The following ATR variants were observed in gnomAD, a reference collection of about 807,000 sequenced individuals.
The protein encoded by ATR is ATR checkpoint kinase.
A neutral mutation model predicts 305.3 loss-of-function variants in ATR; 142 were observed. The observed-to-expected ratio is 0.47, with a 90% CI of 0.41 to 0.53. ATR has a LOEUF of 0.53. ATR is among the 20% of genes least tolerant of loss of function. ATR has a pLI of 0.00. For synonymous variants in ATR, 1,050 were observed against 1,068.1 expected (o/e 0.98, Z 0.33); for missense variants, 2,135 against 3,133.1 (o/e 0.68, Z 7.60).
chr3:142,568,036 TTATA>T, intron 2 of ATR, 23 bp downstream of exon 2: 1 of 1,522,596 alleles, frequency 6.6e-7, no homozygotes, highest in Non-Finnish European at 9.0e-7. Flanking sequence ...TTTATAAAGT[TTATA>T]TAAGAAATAA....
In ATR at chr3:142,449,811, C is replaced by A. The variant is rs577916091; in HGVS notation, c.7762-209G>T. The A allele has an allele frequency of 2.5e-3, 1,461 of 581,010 alleles. 7 individuals are homozygous for A. The highest frequency in any genetic ancestry group is 5.0e-3 in the Admixed American group (171 of 34,110). 36.0% of individuals were successfully genotyped at this position (581,010 alleles called of 1,614,324 possible). A position where few individuals can be genotyped will look rare whatever the true frequency, so the allele number is the denominator to read the frequency against. Reference sequence around the variant, plus strand: ...GCTCGCAAGATTGATTCAACATCAACTGCTTGGACATGTTTCTGGACTACG... The same window carrying A: ...GCTCGCAAGATTGATTCAACATCAAATGCTTGGACATGTTTCTGGACTACG... On this transcript the variant is annotated intron_variant, in intron 46 of 46. Transcript: ENST00000350721.
intron 46 of ATR, 163 bp downstream of exon 46, chr3:142,452,965 T>G: frequency 6.7e-7 from 1 of 1,489,688 alleles, no homozygotes; most frequent in South Asian, 1.3e-5. Flanking sequence ...AAAGAAAACT[T>G]ATGGCATTGT....
At position 142,512,220 on chromosome 3, in the gene ATR, TAA is replaced by T. The variant is rs74269486; in HGVS notation, c.4852+38_4852+39del. 33,396 of 1,200,170 alleles carry T rather than the reference TAA, an allele frequency of 0.028. No homozygotes were observed. Among genetic ancestry groups the T allele is most frequent in the South Asian group, 0.034 (2,415 of 70,328 alleles). The allele number at this position is 1,200,170 out of a possible 1,614,324, so 74.3% of individuals were successfully genotyped here. A position where few individuals can be genotyped will look rare whatever the true frequency, so the allele number is the denominator to read the frequency against. The stretch of plus-strand genomic sequence containing the variant: ...AGGGAAGAGCTAATTGGTGAATAGC[TAA>T]AAAAAAAAAAAAAAAAGAAACAGAA... On this transcript the variant is annotated intron_variant, in intron 27 of 46. Transcript: ENST00000350721.
intron 16 of ATR, among the ~76,000 whole-genome samples, chr3:142,544,721 T>G (rs1378325373): frequency 1.5e-4 from 23 of 151,756 alleles, no homozygotes. Context: ...GGCATCTGAT[T>G]TAGGTATCTT....
chr3:142,574,223 G>C (rs1054327484), intron 1 of ATR, among the ~76,000 whole-genome samples: 1 of 152,082 alleles, frequency 6.6e-6, no homozygotes, highest in Non-Finnish European at 1.5e-5. Flanking sequence ...CCAGCACTTT[G>C]GGAGGCTGAG....
intron 35 of ATR, among the ~76,000 whole-genome samples, chr3:142,486,629 CTT>C (rs892885142): frequency 1.3e-5 from 2 of 152,136 alleles, no homozygotes; most frequent in African/African-American, 4.8e-5. Flanking sequence ...TCCTCCCTCT[CTT>C]CTCTCTCGCT....
Position 142,566,175 on chromosome 3 carries a change from G to A in ATR, c.238C>T (p.Pro80Ser), listed in dbSNP as rs763821441. 10 of 1,614,152 alleles carry A rather than the reference G, an allele frequency of 6.2e-6. No homozygotes were observed. The South Asian group carries it at 1.1e-4, about 18-fold the overall frequency. Reference sequence around the variant, plus strand: ...CCACTCACATTTACAAACATAAGTGGGGAGGATTTCATGATATGCTGGATG... The same window carrying A: ...CCACTCACATTTACAAACATAAGTGAGGAGGATTTCATGATATGCTGGATG... ...DFIQHIMKSS[P>S]LMFVNVSGSH... The change falls in exon 3 of 47, where the codon CCA becomes TCA. Residue 80 changes from proline to serine, a missense_variant. By Grantham distance (74) the Pro-to-Ser change is moderately conservative (BLOSUM62 -1). Transcript: ENST00000350721.
chr3:142,545,404 A>C (rs1289994636), intron 16 of ATR, among the ~76,000 whole-genome samples: 2 of 152,162 alleles, frequency 1.3e-5, no homozygotes, highest in Non-Finnish European at 2.9e-5. Context: ...GTCTCGAAGC[A>C]GGAAAAAGTT....
At chr3:142,546,314 A>C (rs987127716) in intron 16 of ATR, among the ~76,000 whole-genome samples, 1 of 152,142 alleles carries the variant, frequency 6.6e-6, no homozygotes, top group African/African-American at 2.4e-5. Context: ...GGGGGGCATT[A>C]AGTTTTCTGT....
chr3:142,457,126 A>G (rs1406971427), intron 45 of ATR, among the ~76,000 whole-genome samples: 1 of 152,222 alleles, frequency 6.6e-6, no homozygotes, highest in African/African-American at 2.4e-5. Flanking sequence ...GCAATAAAAA[A>G]CAATGAAGTA....
intron 30 of ATR, among the ~76,000 whole-genome samples, chr3:142,501,154 T>C (rs2031941085): frequency 6.6e-6 from 1 of 152,124 alleles, no homozygotes; most frequent in Non-Finnish European, 1.5e-5. Context: ...ACCCCTTCAT[T>C]GAATATTGAC....
chr3:142,457,912 ATGTAGCTCTGCCTT>A (rs1486981697), intron 44 of ATR, 157 bp from the exon 45 acceptor site: 1 of 794,240 alleles, frequency 1.3e-6, no homozygotes, highest in African/African-American at 1.7e-5. Flanking sequence ...TGAAGGAGCC[ATGTAGCTCTGCCTT>A]TGCTTTTACA....
At chr3:142,521,263 T>G (rs2033136916) in intron 23 of ATR, among the ~76,000 whole-genome samples, 1 of 152,218 alleles carries the variant, frequency 6.6e-6, no homozygotes, top group Non-Finnish European at 1.5e-5. Context: ...TGAGACCTAC[T>G]GGTCACAATA....
At chr3:142,511,548 C>T (rs893021793) in intron 27 of ATR, among the ~76,000 whole-genome samples, 3 of 151,786 alleles carry the variant, frequency 2.0e-5, no homozygotes, top group Admixed American at 6.6e-5. Context: ...CCCAGCTACT[C>T]GCAAAGCTGA....
intron 16 of ATR, among the ~76,000 whole-genome samples, chr3:142,546,770 A>G (rs1439995557): frequency 6.6e-6 from 1 of 152,216 alleles, no homozygotes; most frequent in Non-Finnish European, 1.5e-5. Flanking sequence ...AATGATACTG[A>G]AAGGTTGAAT....
At chr3:142,493,042 T>C (rs2031382194) in intron 35 of ATR, 90 bp downstream of exon 35, 1 of 1,430,402 alleles carries the variant, frequency 7.0e-7, no homozygotes. Context: ...AATTTCCTGG[T>C]TATTTTTATA....
intron 13 of ATR, among the ~76,000 whole-genome samples, chr3:142,552,365 G>A (rs1238403376): frequency 6.6e-6 from 1 of 152,128 alleles, no homozygotes; most frequent in Non-Finnish European, 1.5e-5. Context: ...GTTCACTGCA[G>A]CACCATTTAC....
Position 142,467,917 on chromosome 3 carries a change from T to TA in ATR, c.6687+16dup. 2 of 1,611,624 alleles carry TA rather than the reference T, an allele frequency of 1.2e-6. No homozygotes were observed. The highest frequency in any genetic ancestry group is 1.7e-6 in the Non-Finnish European group (2 of 1,178,940). On this transcript the variant is annotated intron_variant, in intron 39 of 46. Transcript: ENST00000350721. ...TTACCCAACATCAGTTTATAAGCAC[T>TA]AAGATTATGATAGTACCGGTTTATT...
intron 21 of ATR, among the ~76,000 whole-genome samples, chr3:142,532,946 A>G (rs751952318): frequency 6.6e-6 from 1 of 152,148 alleles, no homozygotes; most frequent in African/African-American, 2.4e-5. Flanking sequence ...CTGTAGGTTC[A>G]ACCAACTTGT....
Sources: gnomAD v4.1 joint callset for allele counts (sites outside exome capture counted in the v4.1 genomes callset) on GRCh38, gnomAD v4.1.1 for gene constraint, MANE v1.5 for transcripts, NCBI Gene and HGNC (gene_info 2026-07-23, HGNC 2026-07-21) for gene names.